OR3A2: variants seen among roughly 807,000 people sequenced by gnomAD.
OR3A2 encodes olfactory receptor 3A2.
For missense variants in OR3A2, 318 were observed against 392.8 expected (o/e 0.81, Z 1.61); for synonymous variants, 126 against 159.3 (o/e 0.79, Z 1.57).
chr17:3,371,493 G>A (rs1188491518), intron 2 of OR3A2, among the ~76,000 whole-genome samples: 4 of 143,016 alleles, frequency 2.8e-5, no homozygotes, highest in Middle Eastern at 3.8e-3. Flanking sequence ...CCTCCCTCCC[G>A]GATGGGGCGG....
intron 3 of OR3A2, among the ~76,000 whole-genome samples, chr17:3,289,967 T>G (rs1215799521): frequency 2.6e-5 from 4 of 152,142 alleles, no homozygotes; most frequent in Non-Finnish European, 4.4e-5. Context: ...TCGTCACAAA[T>G]TTTGATGACA....
At chr17:3,347,766 G>A (rs2049380366) in intron 2 of OR3A2, among the ~76,000 whole-genome samples, 1 of 152,156 alleles carries the variant, frequency 6.6e-6, no homozygotes, top group African/African-American at 2.4e-5. Flanking sequence ...ACCCAGTAAT[G>A]GGATGGCTGG....
chr17:3,377,267 T>C (rs2049692922), intron 2 of OR3A2, among the ~76,000 whole-genome samples: 1 of 152,180 alleles, frequency 6.6e-6, no homozygotes, highest in African/African-American at 2.4e-5. Context: ...TCCTAGCATT[T>C]CCCAGCCTCA....
chr17:3,291,411 G>A (rs1027933519), intron 3 of OR3A2: 3 of 441,398 alleles, frequency 6.8e-6, no homozygotes, highest in Non-Finnish European at 1.2e-5. Context: ...CACGGTGCCT[G>A]AAGCTGAATT....
At chr17:3,280,029 C>T (rs2048767152) in intron 1 of OR3A2, among the ~76,000 whole-genome samples, 1 of 152,158 alleles carries the variant, frequency 6.6e-6, no homozygotes, top group South Asian at 2.1e-4. Context: ...TGGACTTTGA[C>T]TAATGACTTA....
At chr17:3,313,275 C>G (rs1318646937) in intron 3 of OR3A2, among the ~76,000 whole-genome samples, 1 of 152,202 alleles carries the variant, frequency 6.6e-6, no homozygotes, top group Non-Finnish European at 1.5e-5. Flanking sequence ...AGCAGGGAAC[C>G]CTTAAGGGGC....
intron 2 of OR3A2, among the ~76,000 whole-genome samples, chr17:3,346,063 AG>A (rs2049361843): frequency 6.6e-6 from 1 of 152,154 alleles, no homozygotes; most frequent in African/African-American, 2.4e-5. Context: ...CAATTATAAA[AG>A]CTAGACAAAA....
chr17:3,345,245 C>A (rs911145457), intron 2 of OR3A2, among the ~76,000 whole-genome samples: 1 of 152,142 alleles, frequency 6.6e-6, no homozygotes, highest in Non-Finnish European at 1.5e-5. Context: ...AGAGAAAAGA[C>A]ATTCATCTAC....
At chr17:3,367,654 G>A (rs2049576771) in intron 2 of OR3A2, among the ~76,000 whole-genome samples, 2 of 143,828 alleles carry the variant, frequency 1.4e-5, no homozygotes, top group African/African-American at 2.7e-5. Context: ...TTGGTTGATG[G>A]GCACTTAGAT....
At chr17:3,282,928 T>G (rs531915729) in intron 1 of OR3A2, among the ~76,000 whole-genome samples, 26 of 152,282 alleles carry the variant, frequency 1.7e-4, no homozygotes, top group Non-Finnish European at 2.9e-5. Context: ...ACAACTTGAC[T>G]CAAATGCTGA....
At chr17:3,315,238 T>C (rs2049072077) in intron 3 of OR3A2, among the ~76,000 whole-genome samples, 1 of 152,218 alleles carries the variant, frequency 6.6e-6, no homozygotes, top group Non-Finnish European at 1.5e-5. Context: ...ATAGCTCTGT[T>C]TTAAGTTCTT....
chr17:3,335,534 A>C (rs1333637680), intron 3 of OR3A2, among the ~76,000 whole-genome samples: 3 of 152,154 alleles, frequency 2.0e-5, no homozygotes, highest in Non-Finnish European at 1.5e-5. Flanking sequence ...TTTTAAGTTT[A>C]AAAATGTGTT....
At chr17:3,371,268 G>A (rs769615003) in intron 2 of OR3A2, among the ~76,000 whole-genome samples, 13 of 150,606 alleles carry the variant, frequency 8.6e-5, no homozygotes, top group African/African-American at 2.2e-4. Flanking sequence ...CCTCCCTCCC[G>A]GACGGGGCGG....
chr17:3,292,418 C>T (rs1178457701), intron 3 of OR3A2: 1 of 1,613,992 alleles, frequency 6.2e-7, no homozygotes, highest in Non-Finnish European at 8.5e-7. Flanking sequence ...GGAGTTTGGG[C>T]TCCACCAAGA....
At chr17:3,332,585 C>G (rs2049246335) in intron 3 of OR3A2, among the ~76,000 whole-genome samples, 1 of 152,218 alleles carries the variant, frequency 6.6e-6, no homozygotes, top group Admixed American at 6.5e-5. Flanking sequence ...CACCCACTGA[C>G]CTGCGCCCAC....
At chr17:3,375,229 TCTTTTTTTTTTTTTTTCC>T (rs1269377559) in intron 2 of OR3A2, among the ~76,000 whole-genome samples, 7 of 76,378 alleles carry the variant, frequency 9.2e-5, no homozygotes, top group African/African-American at 4.1e-4. Context: ...TTTTTTTTTT[TCTTTTTTTTTTTTTTTCC>T]CCCCCTTTTT....
At chr17:3,295,806 A>G (rs1324486698) in intron 3 of OR3A2, among the ~76,000 whole-genome samples, 1 of 152,118 alleles carries the variant, frequency 6.6e-6, no homozygotes, top group Non-Finnish European at 1.5e-5. Context: ...TGAATTCAAA[A>G]AAGTCAGTAA....
upstream of OR3A2, among the ~76,000 whole-genome samples, chr17:3,287,236 TCCTA>T (rs2048821168): frequency 1.0e-5 from 1 of 95,262 alleles, no homozygotes; most frequent in Non-Finnish European, 2.2e-5. Flanking sequence ...TCCACCCCCC[TCCTA>T]CCCACCCACA....
chr17:3,326,681 C>A (rs1450569716), intron 3 of OR3A2, among the ~76,000 whole-genome samples: 1 of 146,192 alleles, frequency 6.8e-6, no homozygotes, highest in Non-Finnish European at 1.5e-5. Context: ...TTAGGTATAT[C>A]TCCCAATGCT....
Sources: allele counts gnomAD v4.1 joint callset (sites outside exome capture counted in the v4.1 genomes callset), GRCh38; gene constraint gnomAD v4.1.1; transcripts MANE v1.5; gene names NCBI Gene and HGNC (gene_info 2026-07-23, HGNC 2026-07-21).